Variants in RASA1 observed in about 807,000 individuals in gnomAD.
The protein encoded by RASA1 is ras GTPase-activating protein 1.
A neutral mutation model predicts 132.2 loss-of-function variants in RASA1; 25 were observed. The observed-to-expected ratio is 0.19, with a 90% confidence interval of 0.14 to 0.26. The LOEUF is 0.26. Among genes scored for constraint, RASA1 ranks in the 10% least tolerant of loss-of-function variants. The pLI is 1.00. For synonymous variants in RASA1, 477 were observed against 449.9 expected (o/e 1.06, Z -0.76); for missense variants, 964 against 1,299.2 (o/e 0.74, Z 3.97).
intron 1 of RASA1, among the ~76,000 whole-genome samples, chr5:87,302,965 G>A (rs1291223249): frequency 6.6e-6 from 1 of 151,890 alleles, no homozygotes; most frequent in Non-Finnish European, 1.5e-5. Flanking sequence ...TCTTTTAGAC[G>A]TACATATGGA....
intron 24 of RASA1, 68 bp from the exon 25 acceptor site, chr5:87,390,732 C>T: frequency 7.6e-7 from 1 of 1,322,770 alleles, no homozygotes; most frequent in Non-Finnish European, 1.1e-6. Context: ...TTTTTCAAAT[C>T]CAGGTTCCCA....
At chr5:87,382,759 T>A (rs949061279) in intron 20 of RASA1, among the ~76,000 whole-genome samples, 6 of 152,210 alleles carry the variant, frequency 3.9e-5, no homozygotes, top group Admixed American at 2.6e-4. Flanking sequence ...GACAACTTTT[T>A]AAAACTTTAG....
chr5:87,305,246 C>T (rs774559768), intron 1 of RASA1, among the ~76,000 whole-genome samples: 2 of 152,126 alleles, frequency 1.3e-5, no homozygotes, highest in African/African-American at 2.4e-5. Context: ...CAACTTCAAG[C>T]TATACCACAG....
At chr5:87,322,860 A>G (rs1480701591) in intron 1 of RASA1, among the ~76,000 whole-genome samples, 1 of 152,228 alleles carries the variant, frequency 6.6e-6, no homozygotes, top group Non-Finnish European at 1.5e-5. Context: ...TGCTTTTGAA[A>G]TTCCAGGTCT....
At chr5:87,358,201 C>T (rs1422010254) in intron 9 of RASA1, among the ~76,000 whole-genome samples, 1 of 152,172 alleles carries the variant, frequency 6.6e-6, no homozygotes, top group Non-Finnish European at 1.5e-5. Flanking sequence ...GCTTTGCTTA[C>T]TTCCTGGAAC....
chr5:87,331,039 G>A, intron 1 of RASA1: 1 of 1,272,974 alleles, frequency 7.9e-7, no homozygotes, highest in Admixed American at 3.0e-5. Flanking sequence ...GTAAAGATCT[G>A]GTTGCAGTAG....
intron 1 of RASA1, among the ~76,000 whole-genome samples, chr5:87,319,267 C>A (rs1008975441): frequency 6.6e-6 from 1 of 152,238 alleles, no homozygotes; most frequent in African/African-American, 2.4e-5. Context: ...AGGATGATGG[C>A]CCTCTTCCCA....
chr5:87,350,399 G>C (rs1189952858), intron 8 of RASA1, among the ~76,000 whole-genome samples: 1 of 151,742 alleles, frequency 6.6e-6, no homozygotes, highest in African/African-American at 2.4e-5. Flanking sequence ...CAGTTTTCTG[G>C]AGATTTAGAA....
Position 87,372,199 on chromosome 5 carries a change from A to G in RASA1, c.1776+4A>G, listed in dbSNP as rs761973636. The G allele has an allele frequency of 6.2e-7, 1 of 1,612,474 alleles. No individual in the cohort carries two copies. The highest frequency in any genetic ancestry group is 1.7e-5 in the Admixed American group (1 of 59,962). ...ATCCAATAAACGCCTTCGTCAGGTGAAGCTTAATTTTCTTGGATTTTTAAT... is the reference window on the plus strand; with the variant it reads ...ATCCAATAAACGCCTTCGTCAGGTGGAGCTTAATTTTCTTGGATTTTTAAT... On this transcript the variant is annotated splice_donor_region_variant and intron_variant, in intron 13 of 24. Transcript: ENST00000274376.
intron 22 of RASA1, among the ~76,000 whole-genome samples, chr5:87,386,108 C>CT (rs775355040): frequency 6.6e-6 from 1 of 151,868 alleles, no homozygotes. Context: ...GGGTACTATA[C>CT]TTTTTTCTTT....
Position 87,268,862 on chromosome 5 carries a change from G to T in RASA1, c.411G>T (p.Leu137=). The part of the protein sequence containing the change: ...TLGPGGGFPP[L]PPPPYLPPLG... ...GGCCAGGCGGCGGTTTTCCCCCTCT[G>T]CCCCCTCCCCCTTACCTGCCCCCTT... Residue 137 remains leucine, a synonymous_variant, in exon 1 of 25, where the codon CTG becomes CTT. Transcript: ENST00000274376. 1.2e-6 allele frequency: 2 copies of T among 1,613,700 alleles called. No individual in the cohort carries two copies. Among genetic ancestry groups the T allele is most frequent in the Non-Finnish European group, 1.7e-6 (2 of 1,180,020 alleles).
intron 1 of RASA1, among the ~76,000 whole-genome samples, chr5:87,317,976 T>G (rs1756475022): frequency 6.6e-6 from 1 of 152,258 alleles, no homozygotes. Flanking sequence ...CCCATTTTTT[T>G]TAGAGCTTTG....
At chr5:87,378,579 A>C in intron 18 of RASA1, 41 bp downstream of exon 18, 1 of 1,537,468 alleles carries the variant, frequency 6.5e-7, no homozygotes, top group Non-Finnish European at 9.0e-7. Flanking sequence ...TGCAAAGAAC[A>C]TATTTTAATA....
At chr5:87,288,208 G>A (rs1048062760) in intron 1 of RASA1, among the ~76,000 whole-genome samples, 1 of 146,718 alleles carries the variant, frequency 6.8e-6, no homozygotes, top group Non-Finnish European at 1.5e-5. Flanking sequence ...TATACCAGAA[G>A]CAATTTTATG....
intron 6 of RASA1, 115 bp downstream of exon 6, chr5:87,341,436 A>T (rs1159632983): frequency 5.3e-6 from 3 of 568,520 alleles, no homozygotes; most frequent in Non-Finnish European, 5.3e-6. Context: ...CTTAACTTTT[A>T]AATTTGGCTT....
intron 1 of RASA1, among the ~76,000 whole-genome samples, chr5:87,283,533 A>G (rs762993423): frequency 1.1e-4 from 17 of 152,046 alleles, no homozygotes; most frequent in Admixed American, 2.0e-4. Context: ...AGAAAAACCA[A>G]TCCTTACTTT....
chr5:87,331,952 A>G (rs1206238758), intron 2 of RASA1, among the ~76,000 whole-genome samples: 2 of 152,162 alleles, frequency 1.3e-5, no homozygotes, highest in Non-Finnish European at 2.9e-5. Context: ...AATATTCTGT[A>G]TATATAAACA....
At chr5:87,292,769 A>T (rs920627414) in intron 1 of RASA1, among the ~76,000 whole-genome samples, 1 of 152,184 alleles carries the variant, frequency 6.6e-6, no homozygotes, top group Non-Finnish European at 1.5e-5. Flanking sequence ...ATTGAGTCTT[A>T]TTCATGAACT....
intron 1 of RASA1, among the ~76,000 whole-genome samples, chr5:87,311,744 C>T (rs757785155): frequency 3.3e-5 from 5 of 152,202 alleles, no homozygotes; most frequent in Non-Finnish European, 7.3e-5. Context: ...GTGCCCACGT[C>T]GCTGACTTTA....
Sources: allele counts gnomAD v4.1 joint callset (sites outside exome capture counted in the v4.1 genomes callset), GRCh38; gene constraint gnomAD v4.1.1; transcripts MANE v1.5; gene names NCBI Gene and HGNC (gene_info 2026-07-23, HGNC 2026-07-21).